Variants in TMEM255B observed in about 807,000 individuals in gnomAD.
TMEM255B encodes transmembrane protein 255B, also known as family with sequence similarity 70, member B.
Under a neutral mutation model 34.5 loss-of-function variants are expected in TMEM255B, and 35 were observed. That is an observed-to-expected ratio of 1.01 (90% CI 0.77 to 1.34). The LOEUF (loss-of-function observed/expected upper bound fraction) is 1.34, where lower values mean the gene tolerates loss of function less well. Ranked by LOEUF, TMEM255B falls within the 40% of genes most tolerant of loss-of-function variation. TMEM255B has a pLI of 0.00. For missense variants in TMEM255B, 432 were observed against 433.2 expected, an observed-to-expected ratio of 1.00 and a Z score of 0.02; for synonymous variants, 206 against 201.2, an observed-to-expected ratio of 1.02 and a Z score of -0.20.
At position 113,815,736 on chromosome 13, in the gene TMEM255B, C is replaced by G. The variant is rs2051394014; in HGVS notation, c.*3833C>G. 6.6e-6 allele frequency: 1 copy of G among 152,418 alleles called. No individual in the cohort carries two copies. Among genetic ancestry groups the G allele is most frequent in the African/African-American group, 2.4e-5 (1 of 41,420 alleles). 9.4% of individuals were successfully genotyped at this position (152,418 alleles called of 1,614,324 possible). On this transcript the variant is annotated 3_prime_UTR_variant, in exon 9 of 9. Coordinates refer to ENST00000375353, the MANE Select transcript of TMEM255B (RefSeq NM_182614.4). ...TTTTTTTCCCAGTCTCGGGTATGTC[C>G]TTATTAGCAGTGTGAAAACAGAATA... is the stretch of plus-strand genomic sequence containing the variant.
chr13:113,787,908 G>A (rs1351037199), intron 3 of TMEM255B, among the ~76,000 whole-genome samples: 2 of 149,518 alleles, frequency 1.3e-5, no homozygotes, highest in Admixed American at 6.7e-5. Context: ...CTCTCCAGGA[G>A]GTTTACTCTA....
At chr13:113,800,298 C>A (rs2051025797) in intron 5 of TMEM255B, among the ~76,000 whole-genome samples, 1 of 57,384 alleles carries the variant, frequency 1.7e-5, no homozygotes, top group African/African-American at 8.5e-5. Flanking sequence ...GGGGAGGCGT[C>A]CTCTGTGTGT....
At chr13:113,801,602 C>A (rs368118690) in intron 6 of TMEM255B, 51 bp from the exon 7 acceptor site, 14 of 1,533,546 alleles carry the variant, frequency 9.1e-6, no homozygotes, top group Admixed American at 1.9e-5. Context: ...GTTTAACTTG[C>A]GGGTGGTCAC....
chr13:113,779,070 G>A (rs972146550), intron 3 of TMEM255B, among the ~76,000 whole-genome samples: 5 of 152,184 alleles, frequency 3.3e-5, no homozygotes, highest in Non-Finnish European at 7.3e-5. Context: ...GTGTTTTTGG[G>A]TGGAGGGAGT....
intron 8 of TMEM255B, among the ~76,000 whole-genome samples, chr13:113,809,436 GCTGTGGTTCCTGGGGGTTTACT>G (rs1252378174): frequency 3.4e-5 from 4 of 116,050 alleles, no homozygotes; most frequent in Admixed American, 9.5e-5. Flanking sequence ...GGGGATTTAT[GCTGTGGTTCCTGGGGGTTTACT>G]CTGTGGTTCC....
chr13:113,793,667 G>A (rs1001851641), intron 3 of TMEM255B, among the ~76,000 whole-genome samples: 13 of 152,244 alleles, frequency 8.5e-5, no homozygotes, highest in Non-Finnish European at 1.6e-4. Context: ...GGCTCACCAG[G>A]AAGCCCCCAG....
At chr13:113,766,490 C>T (rs908081345) in intron 2 of TMEM255B, 17 of 657,268 alleles carry the variant, frequency 2.6e-5, no homozygotes, top group Admixed American at 6.7e-5. Context: ...CCAAGTTGAT[C>T]TCAAAATAGG....
intron 3 of TMEM255B, among the ~76,000 whole-genome samples, chr13:113,780,036 G>A (rs1207557778): frequency 2.6e-5 from 4 of 152,174 alleles, no homozygotes; most frequent in African/African-American, 9.7e-5. Context: ...TTTTATAGAA[G>A]GAATCTGAGA....
intron 3 of TMEM255B, among the ~76,000 whole-genome samples, chr13:113,780,463 G>A (rs2050649547): frequency 1.3e-5 from 2 of 152,196 alleles, no homozygotes; most frequent in African/African-American, 4.8e-5. Flanking sequence ...TTGCTCATGG[G>A]AGTATACTAA....
intron 7 of TMEM255B, among the ~76,000 whole-genome samples, chr13:113,803,838 C>G (rs1304837670): frequency 2.8e-5 from 1 of 36,024 alleles, no homozygotes; most frequent in Non-Finnish European, 5.2e-5. Flanking sequence ...CTCCCAGCCC[C>G]AGGGGTGCGG....
intron 8 of TMEM255B, among the ~76,000 whole-genome samples, chr13:113,807,283 G>A (rs529049215): frequency 2.8e-4 from 43 of 151,150 alleles, no homozygotes; most frequent in Non-Finnish European, 4.4e-4. Flanking sequence ...GTCACACGCA[G>A]GCTTACGGGA....
chr13:113,761,064 A>T (rs1354444999), intron 1 of TMEM255B: 2 of 471,994 alleles, frequency 4.2e-6, no homozygotes, highest in African/African-American at 4.2e-5. Context: ...TACCCTGGGC[A>T]TGTGTAAAAT....
intron 3 of TMEM255B, among the ~76,000 whole-genome samples, chr13:113,776,456 G>A (rs1197741226): frequency 6.6e-6 from 1 of 152,136 alleles, no homozygotes; most frequent in African/African-American, 2.4e-5. Context: ...TCGTCCTCCC[G>A]ACAGCTACGT....
rs1261711784 is a variant in TMEM255B at position 113,801,819 on chromosome 13, C to G, written c.669+7C>G. 6.3e-7 allele frequency: 1 copy of G among 1,591,166 alleles called. No homozygotes were observed. ...GGGGGCCTTCAAGGACATGGTGAGG[C>G]CCCTTGGTGGGACCCCCGCTGCTCA... On this transcript the variant is annotated splice_region_variant and intron_variant, in intron 7 of 8. Coordinates refer to ENST00000375353, the MANE Select transcript of TMEM255B (RefSeq NM_182614.4).
chr13:113,764,710 G>T lies in TMEM255B; in HGVS notation c.47-1405G>T, dbSNP rs912926414. On this transcript the variant is annotated intron_variant, in intron 1 of 8. Coordinates refer to ENST00000375353, the MANE Select transcript of TMEM255B (RefSeq NM_182614.4). ...CTCACATGCGAGGATGCTCTGCAGG[G>T]GCAGGGGTGAAGGGGCAACTGTGGA... is the stretch of plus-strand genomic sequence containing the variant. Among the ~76,000 whole-genome samples the T allele has an allele frequency of 2.6e-5, 4 of 152,362 alleles. No individual in the cohort carries two copies. The East Asian group carries it at 5.8e-4, about 22-fold the overall frequency.
chr13:113,778,377 C>T (rs546089066), intron 3 of TMEM255B, among the ~76,000 whole-genome samples: 3 of 152,280 alleles, frequency 2.0e-5, no homozygotes, highest in East Asian at 3.9e-4. Context: ...GGTGCCATGG[C>T]GTCTTCTCCC....
At chr13:113,764,558 C>T (rs904708749) in intron 1 of TMEM255B, among the ~76,000 whole-genome samples, 2 of 152,220 alleles carry the variant, frequency 1.3e-5, no homozygotes, top group African/African-American at 4.8e-5. Context: ...CTGCCCTCTG[C>T]CCGCTGCCTG....
chr13:113,800,637 C>T (rs2051036630), intron 5 of TMEM255B, among the ~76,000 whole-genome samples, 190 bp from the exon 6 acceptor site: 1 of 152,152 alleles, frequency 6.6e-6, no homozygotes, highest in Admixed American at 6.5e-5. Context: ...CCTGACCCCT[C>T]CTGCAGGAAG....
intron 5 of TMEM255B, among the ~76,000 whole-genome samples, chr13:113,800,572 A>G (rs1249681057): frequency 6.6e-6 from 1 of 152,094 alleles, no homozygotes; most frequent in Non-Finnish European, 1.5e-5. Context: ...ATCATGGAGA[A>G]GCAAGGCCTC....
Sources: allele counts gnomAD v4.1 joint callset (sites outside exome capture counted in the v4.1 genomes callset), GRCh38; gene constraint gnomAD v4.1.1; transcripts MANE v1.5; gene names NCBI Gene and HGNC (gene_info 2026-07-23, HGNC 2026-07-21).